The following MAPKBP1 variants were observed in gnomAD, a reference collection of about 807,000 sequenced individuals.
MAPKBP1 encodes mitogen-activated protein kinase-binding protein 1.
MAPKBP1 carries 71 observed loss-of-function variants against 170.5 expected under a neutral mutation model. That is an observed-to-expected ratio of 0.42 (90% CI 0.34 to 0.51). The LOEUF is 0.51. MAPKBP1 is among the 20% of genes least tolerant of loss of function. The pLI is 0.06. For synonymous variants in MAPKBP1, 719 were observed against 757.9 expected, an observed-to-expected ratio of 0.95 and a Z score of 0.84; for missense variants, 1,598 against 1,933.0, an observed-to-expected ratio of 0.83 and a Z score of 3.25.
intron 2 of MAPKBP1, among the ~76,000 whole-genome samples, chr15:41,798,127 G>A (rs1443089212): frequency 1.3e-5 from 2 of 150,606 alleles, no homozygotes; most frequent in African/African-American, 4.9e-5. Context: ...GCGGGTGCCT[G>A]TAGTCCCAGC....
At position 41,823,169 on chromosome 15, in the gene MAPKBP1, G is replaced by A. The variant is rs544119194; in HGVS notation, c.3545G>A (p.Ser1182Asn). Reference sequence around the variant, plus strand: ...GCTCCCAAGAGAGTGGCCACAGCCAGCCCCTTTTCTGGACTCCAGAAGGCC... The same window carrying A: ...GCTCCCAAGAGAGTGGCCACAGCCAACCCCTTTTCTGGACTCCAGAAGGCC... ...SWAPKRVATASPFSGLQKAQS... is the reference protein window; with the variant it reads ...SWAPKRVATANPFSGLQKAQS... Residue 1182 changes from serine to asparagine, a missense_variant, in exon 28 of 31, where the codon AGC (serine) becomes AAC (asparagine). By Grantham distance (46) the Ser-to-Asn change is conservative (BLOSUM62 1). Coordinates refer to ENST00000457542, the MANE Select transcript of MAPKBP1 (RefSeq NM_014994.3). The A allele has an allele frequency of 3.6e-5, 58 of 1,613,650 alleles. No individual in the cohort carries two copies. The Middle Eastern group carries it at 5.0e-4, about 14-fold the overall frequency.
rs2152080291 is a variant in MAPKBP1, at chr15:41,815,694, A to G, written c.1388A>G (p.Asp463Gly). Residue 463 changes from aspartate (D) to glycine (G), a missense_variant, in exon 12 of 31, where the codon GAC (aspartate) becomes GGC (glycine). Coordinates refer to ENST00000457542, the MANE Select transcript of MAPKBP1 (RefSeq NM_014994.3). ...CTGGACACAGAGCTGCCTGGAGGAG[A>G]CAAAGCTGATGCATCCCTGTTGGAT... The part of the protein sequence containing the change: ...ALLDTELPGG[D>G]KADASLLDPR... The G allele has an allele frequency of 6.2e-7, 1 of 1,614,172 alleles. No homozygotes were observed. Among genetic ancestry groups the G allele is most frequent in the East Asian group, 2.2e-5 (1 of 44,874 alleles).
chr15:41,819,017 C>T, intron 20 of MAPKBP1, 60 bp downstream of exon 20: 1 of 1,598,488 alleles, frequency 6.3e-7, no homozygotes, highest in Non-Finnish European at 8.5e-7. Flanking sequence ...TGGGACCTCA[C>T]TGCACTTCCT....
rs200396823 is a variant in MAPKBP1 at position 41,815,431 on chromosome 15, G to A, written c.1317+26G>A. 1.3e-5 allele frequency: 21 copies of A among 1,611,488 alleles called. No individual in the cohort carries two copies. In the East Asian group the frequency reaches 1.8e-4, roughly 14 times the overall value. On this transcript the variant is annotated intron_variant, in intron 11 of 30. Coordinates refer to ENST00000457542, the MANE Select transcript of MAPKBP1 (RefSeq NM_014994.3). ...GTGAGCCCTGAGGCTGTGGGGCCCC[G>A]CTTCACCCTCAGTGCCCCCATCCCC...
At chr15:41,813,928 T>G in intron 9 of MAPKBP1, 147 bp downstream of exon 9, 1 of 932,592 alleles carries the variant, frequency 1.1e-6, no homozygotes. Flanking sequence ...TTTGGGTTTA[T>G]TGGTACTTGT....
intron 12 of MAPKBP1, 57 bp from the exon 13 acceptor site, chr15:41,816,502 G>A (rs1567151363): frequency 1.2e-5 from 15 of 1,205,366 alleles, no homozygotes; most frequent in Middle Eastern, 1.9e-4. Context: ...AGGAGGGGGC[G>A]TGAGTCCTTC....
At chr15:41,783,162 A>G (rs1219489089) in intron 2 of MAPKBP1, among the ~76,000 whole-genome samples, 1 of 152,156 alleles carries the variant, frequency 6.6e-6, no homozygotes, top group Non-Finnish European at 1.5e-5. Flanking sequence ...TGTGGGTATC[A>G]TGGGGCTTCA....
At chr15:41,815,542 T>G in intron 11 of MAPKBP1, 82 bp from the exon 12 acceptor site, 1 of 1,552,530 alleles carries the variant, frequency 6.4e-7, no homozygotes, top group African/African-American at 1.4e-5. Context: ...GGTCCAAGGG[T>G]TTGTTTTGCT....
intron 2 of MAPKBP1, among the ~76,000 whole-genome samples, chr15:41,786,502 C>A (rs2064290257): frequency 6.6e-6 from 1 of 151,664 alleles, no homozygotes; most frequent in African/African-American, 2.4e-5. Context: ...TGGTGGCTCA[C>A]ACCTGTAATC....
chr15:41,824,901 T>C (rs1249931704), intron 30 of MAPKBP1, among the ~76,000 whole-genome samples: 1 of 152,224 alleles, frequency 6.6e-6, no homozygotes, highest in African/African-American at 2.4e-5. Context: ...CATGAATTAT[T>C]TGGCCCCCTT....
chr15:41,791,596 A>C lies in MAPKBP1; in HGVS notation c.115-8227A>C, dbSNP rs1050934190. Among the ~76,000 whole-genome samples, 5 of 152,186 alleles carry C rather than the reference A, an allele frequency of 3.3e-5. No homozygotes were observed. The South Asian group carries it at 1.0e-3, about 32-fold the overall frequency. On this transcript the variant is annotated intron_variant, in intron 2 of 30. Coordinates refer to ENST00000457542, the MANE Select transcript of MAPKBP1 (RefSeq NM_014994.3). ...CAGAAAAGCTTCGAAGGCCCTGCCC[A>C]GTGTCTAGGATTGTATGTTTAGGGC... is the stretch of plus-strand genomic sequence containing the variant.
At chr15:41,798,338 A>G (rs911998838) in intron 2 of MAPKBP1, among the ~76,000 whole-genome samples, 1 of 150,676 alleles carries the variant, frequency 6.6e-6, no homozygotes, top group East Asian at 2.0e-4. Context: ...GCTGGAGTGC[A>G]ATGGCGTGAT....
intron 2 of MAPKBP1, among the ~76,000 whole-genome samples, chr15:41,779,541 T>G (rs968643138): frequency 1.3e-5 from 2 of 152,052 alleles, no homozygotes; most frequent in African/African-American, 4.8e-5. Context: ...GACAGAGTCT[T>G]ACGATGTTGC....
rs569967339 is a variant in MAPKBP1, at chr15:41,803,954, C to T, written c.206+4040C>T. On this transcript the variant is annotated intron_variant, in intron 3 of 30. Coordinates refer to ENST00000457542, the MANE Select transcript of MAPKBP1 (RefSeq NM_014994.3). The stretch of plus-strand genomic sequence containing the variant: ...CTCCTGGGTTCAAGCAATTCTCCTG[C>T]CTCAGCCTCCAGAGTAGCTGGGATT... Among the ~76,000 whole-genome samples the T allele has an allele frequency of 4.6e-5, 7 of 152,178 alleles. 1 individual carries two copies. In the East Asian group the frequency reaches 1.4e-3, roughly 30 times the overall value.
rs772418962 is a variant in MAPKBP1 at position 41,821,696 on chromosome 15, T to C, written c.2831T>C (p.Ile944Thr). Residue 944 changes from isoleucine (I) to threonine (T), a missense_variant, in exon 24 of 31, where the codon ATT becomes ACT. Around this residue, in one of 6 missense-constraint regions of MAPKBP1, gnomAD observed 942 missense variants for 953.2 expected, o/e 0.99. Transcript: ENST00000457542. Reference sequence around the variant, plus strand: ...GCCCAAGATCTGGAACCTGCACCCATTGAAGATGGTATTGTCTACCCGGAG... The same window carrying C: ...GCCCAAGATCTGGAACCTGCACCCACTGAAGATGGTATTGTCTACCCGGAG... Reference protein sequence around the residue: ...VFAQDLEPAPIEDGIVYPEPS... With the variant: ...VFAQDLEPAPTEDGIVYPEPS... The C allele has an allele frequency of 9.3e-6, 15 of 1,614,032 alleles. No individual in the cohort carries two copies. The highest frequency in any genetic ancestry group is 6.6e-5 in the South Asian group (6 of 91,090).
intron 3 of MAPKBP1, among the ~76,000 whole-genome samples, chr15:41,809,460 C>G (rs1002602611): frequency 5.9e-5 from 9 of 152,210 alleles, no homozygotes; most frequent in Non-Finnish European, 1.2e-4. Context: ...TAGCAACTTG[C>G]ACCTACCTCC....
At chr15:41,824,798 G>T (rs1228058457) in intron 30 of MAPKBP1, among the ~76,000 whole-genome samples, 1 of 152,160 alleles carries the variant, frequency 6.6e-6, no homozygotes, top group Non-Finnish European at 1.5e-5. Flanking sequence ...AGGAGGTGAG[G>T]CCTGAAGAGA....
At chr15:41,780,131 T>C (rs2064160577) in intron 2 of MAPKBP1, among the ~76,000 whole-genome samples, 1 of 152,194 alleles carries the variant, frequency 6.6e-6, no homozygotes, top group Non-Finnish European at 1.5e-5. Flanking sequence ...CCTCACTCAT[T>C]TCAAAGTGGA....
chr15:41,820,338 A>C (rs1394071700), intron 22 of MAPKBP1, among the ~76,000 whole-genome samples: 1 of 152,134 alleles, frequency 6.6e-6, no homozygotes, highest in Non-Finnish European at 1.5e-5. Flanking sequence ...TGGGGCCCCC[A>C]GCTATTGGAG....
Sources: gnomAD v4.1 joint callset for allele counts (sites outside exome capture counted in the v4.1 genomes callset) on GRCh38, gnomAD v4.1.1 for gene constraint, gnomAD v4.1.1 regional missense constraint, MANE v1.5 for transcripts, NCBI Gene and HGNC (gene_info 2026-07-23, HGNC 2026-07-21) for gene names.